Variants in SMARCA1 observed in about 807,000 individuals in gnomAD.
The protein encoded by SMARCA1 is SNF2 related chromatin remodeling ATPase 1, also known as SWI/SNF-related matrix-associated actin-dependent regulator of chromatin subfamily A member 1.
Under a neutral mutation model 93.6 loss-of-function variants are expected in SMARCA1, and 17 were observed. The observed-to-expected ratio is 0.18, with a 90% CI of 0.12 to 0.27. SMARCA1 has a LOEUF of 0.27. Ranked by LOEUF, SMARCA1 falls within the 10% of genes least tolerant of loss-of-function variation. The probability of loss-of-function intolerance (pLI) is 1.00; values close to 1 mark genes in which losing one functional copy is unlikely to be tolerated. For missense variants in SMARCA1, 630 were observed against 819.0 expected (o/e 0.77, Z 2.82); for synonymous variants, 271 against 271.4 (o/e 1.00, Z 0.01).
intron 8 of SMARCA1, 61 bp from the exon 9 acceptor site, chrX:129,504,863 T>G (rs985102838): frequency 9.9e-6 from 7 of 704,362 alleles, no homozygotes; most frequent in Non-Finnish European, 1.6e-5. Flanking sequence ...CCCGATATTC[T>G]GTAGATTCTT....
At chrX:129,522,318 G>GAA (rs1327662400) in intron 1 of SMARCA1, among the ~76,000 whole-genome samples, 1 of 86,625 alleles carries the variant, frequency 1.2e-5, no homozygotes, top group Non-Finnish European at 2.3e-5. Context: ...AATTAAAGGA[G>GAA]AAAAAAAAAA....
Position 129,523,309 on chromosome X carries a change from A to G in SMARCA1, c.62T>C (p.Ile21Thr). ...TVAAADATAT[I>T]VVIEDEQPGP... ...GGGCTGCTCGTCCTCTATGACCACG[A>G]TAGTGGCGGTCGCATCCGCGGCTGC... The change falls in exon 1 of 25, where the codon ATC becomes ACC. Residue 21 changes from isoleucine (I) to threonine (T), a missense_variant. By Grantham distance (89) the Ile-to-Thr change is moderately conservative (BLOSUM62 -1). Transcript: ENST00000371121. 8.3e-7 allele frequency: 1 copy of G among 1,205,482 alleles called. No individual in the cohort carries two copies. Among genetic ancestry groups the G allele is most frequent in the Non-Finnish European group, 1.1e-6 (1 of 893,429 alleles).
chrX:129,447,053 C>A lies in SMARCA1; in HGVS notation c.*109G>T. The A allele has an allele frequency of 3.5e-6, 2 of 573,172 alleles. No individual in the cohort carries two copies. Among genetic ancestry groups the A allele is most frequent in the Non-Finnish European group, 5.4e-6 (2 of 373,185 alleles). 47.2% of individuals were successfully genotyped at this position (573,172 alleles called of 1,213,427 possible). ...TATAAAATATGCAAGAAATCAAAAC[C>A]AAAGAGATTTTTCTTAGAGTACCAT... On this transcript the variant is annotated 3_prime_UTR_variant, in exon 25 of 25. Coordinates refer to ENST00000371121, the MANE Select transcript of SMARCA1 (RefSeq NM_001282874.2).
intron 12 of SMARCA1, among the ~76,000 whole-genome samples, chrX:129,496,152 T>C (rs1325966810): frequency 1.1e-5 from 1 of 94,837 alleles, no homozygotes; most frequent in Non-Finnish European, 2.1e-5. Flanking sequence ...TTGAGAAAAA[T>C]ACTGCATACT....
At chrX:129,476,680 A>G (rs746273656) in intron 19 of SMARCA1, among the ~76,000 whole-genome samples, 61 of 111,956 alleles carry the variant, frequency 5.4e-4, no homozygotes, top group African/African-American at 1.9e-3. Context: ...AACTCCACTA[A>G]AGCAATTTTG....
chrX:129,496,995 ACGTG>A, intron 11 of SMARCA1, 124 bp from the exon 12 acceptor site: 2 of 482,283 alleles, frequency 4.1e-6, no homozygotes, highest in Non-Finnish European at 7.1e-6. Context: ...GCACACACAC[ACGTG>A]CACACACACA....
Position 129,498,059 on chromosome X carries a change from G to A in SMARCA1, c.1290C>T (p.Ile430=), listed in dbSNP as rs779824621. The change falls in exon 11 of 25, where the codon ATC becomes ATT. Residue 430 remains isoleucine, a synonymous_variant. Transcript: ENST00000371121. ...SKMQREWYTK[I]LMKDIDVLNS... ...TTAAAACATCAATATCTTTCATCAGGATTTTTGTATACCTAAAAATTTAAA... is the reference window on the plus strand; with the variant it reads ...TTAAAACATCAATATCTTTCATCAGAATTTTTGTATACCTAAAAATTTAAA... 20 of 1,147,746 alleles carry A rather than the reference G, an allele frequency of 1.7e-5. No homozygotes were observed. The highest frequency in any genetic ancestry group is 4.8e-6 in the Non-Finnish European group (4 of 838,757). 94.6% of individuals were successfully genotyped at this position (1,147,746 alleles called of 1,213,427 possible).
At chrX:129,474,237 TAC>T (rs1448071475) in intron 19 of SMARCA1, among the ~76,000 whole-genome samples, 1 of 112,037 alleles carries the variant, frequency 8.9e-6, no homozygotes, top group Admixed American at 9.5e-5. Flanking sequence ...AAAGTACAGA[TAC>T]AGTTTTAAAA....
chrX:129,486,938 G>A (rs927091204), intron 17 of SMARCA1, 80 bp downstream of exon 17: 2 of 777,889 alleles, frequency 2.6e-6, no homozygotes, highest in Non-Finnish European at 3.7e-6. Context: ...ATTATAATAG[G>A]TAAGTGCCAG....
chrX:129,504,596 G>T, intron 9 of SMARCA1, 138 bp downstream of exon 9: 1 of 210,575 alleles, frequency 4.7e-6, no homozygotes, highest in Non-Finnish European at 9.0e-6. Flanking sequence ...GAGGCTGTCA[G>T]AAAGGTTAGG....
intron 11 of SMARCA1, among the ~76,000 whole-genome samples, chrX:129,497,163 G>T (rs1025446462): frequency 3.6e-5 from 4 of 110,788 alleles, no homozygotes; most frequent in Non-Finnish European, 7.6e-5. Context: ...TGAATGATGG[G>T]TCCACAGGCT....
At chrX:129,513,010 T>C (rs901958103) in intron 5 of SMARCA1, among the ~76,000 whole-genome samples, 4 of 112,149 alleles carry the variant, frequency 3.6e-5, no homozygotes, top group African/African-American at 6.5e-5. Context: ...ACATGGAACA[T>C]ATGTATGAAT....
intron 19 of SMARCA1, among the ~76,000 whole-genome samples, chrX:129,478,705 A>G (rs1933502837): frequency 8.9e-6 from 1 of 112,232 alleles, no homozygotes; most frequent in South Asian, 3.7e-4. Context: ...GTCACTGTAA[A>G]TTATCATGGG....
At chrX:129,462,392 G>C (rs762935839) in intron 23 of SMARCA1, among the ~76,000 whole-genome samples, 4 of 111,735 alleles carry the variant, frequency 3.6e-5, no homozygotes, top group East Asian at 2.8e-4. Flanking sequence ...CTATACAGAA[G>C]AGTTACTAAA....
chrX:129,495,338 C>T (rs1408751052), intron 12 of SMARCA1, among the ~76,000 whole-genome samples: 3 of 111,901 alleles, frequency 2.7e-5, no homozygotes, highest in Non-Finnish European at 5.6e-5. Flanking sequence ...TATTTAGAAG[C>T]TTGGTGATGT....
At chrX:129,507,645 C>T (rs752691980) in intron 7 of SMARCA1, among the ~76,000 whole-genome samples, 55 of 112,302 alleles carry the variant, frequency 4.9e-4, no homozygotes, top group African/African-American at 1.6e-3. Context: ...CCTCCGCCTC[C>T]CGGGTTCAAG....
chrX:129,490,810 G>C (rs1002995261), intron 14 of SMARCA1, among the ~76,000 whole-genome samples: 4 of 110,750 alleles, frequency 3.6e-5, no homozygotes, highest in African/African-American at 1.3e-4. Flanking sequence ...AAAAAAAAAT[G>C]TAAGTTCAAA....
Position 129,506,008 on chromosome X carries a change from A to T in SMARCA1, c.1098+72T>A, listed in dbSNP as rs960074968. On this transcript the variant is annotated intron_variant, in intron 8 of 24. Coordinates refer to ENST00000371121, the MANE Select transcript of SMARCA1 (RefSeq NM_001282874.2). ...AAATTAAAAAGTACCATAAATTTCAATCTATAATGTTTTAAAACACATGTC... is the reference window on the plus strand; with the variant it reads ...AAATTAAAAAGTACCATAAATTTCATTCTATAATGTTTTAAAACACATGTC... The T allele has an allele frequency of 2.7e-5, 22 of 819,371 alleles. No homozygotes were observed. In the African/African-American group the frequency reaches 4.5e-4, roughly 17 times the overall value. 67.5% of individuals were successfully genotyped at this position (819,371 alleles called of 1,213,427 possible). A position where few individuals can be genotyped will look rare whatever the true frequency, so the allele number is the denominator to read the frequency against.
At chrX:129,491,440 T>C (rs1934125798) in intron 14 of SMARCA1, among the ~76,000 whole-genome samples, 1 of 111,577 alleles carries the variant, frequency 9.0e-6, no homozygotes. Context: ...TAGAATAGCT[T>C]TTGCATGGTA....
Sources: gnomAD v4.1 joint callset for allele counts (sites outside exome capture counted in the v4.1 genomes callset) on GRCh38, gnomAD v4.1.1 for gene constraint, MANE v1.5 for transcripts, NCBI Gene and HGNC (gene_info 2026-07-23, HGNC 2026-07-21) for gene names.